The following CNKSR3 variants were observed in gnomAD, a reference collection of about 807,000 sequenced individuals.
The protein encoded by CNKSR3 is CNKSR family member 3, also known as connector enhancer of kinase suppressor of ras 3.
CNKSR3 carries 36 observed loss-of-function variants against 67.7 expected under a neutral mutation model. That is an observed-to-expected ratio of 0.53 (90% CI 0.41 to 0.70). The LOEUF is 0.70. Among genes scored for constraint, CNKSR3 ranks in the 30% least tolerant of loss-of-function variants. The pLI, the probability that CNKSR3 is intolerant of heterozygous loss-of-function variation, is 0.00. For synonymous variants in CNKSR3, 281 were observed against 271.4 expected, an observed-to-expected ratio of 1.04 and a Z score of -0.35; for missense variants, 630 against 695.2, an observed-to-expected ratio of 0.91 and a Z score of 1.05.
chr6:154,485,341 G>T (rs560363041), intron 1 of CNKSR3, among the ~76,000 whole-genome samples: 1 of 152,180 alleles, frequency 6.6e-6, no homozygotes, highest in South Asian at 2.1e-4. Context: ...GTTGGAAAGG[G>T]GCTTCTTTGG....
In CNKSR3 at chr6:154,428,182, C is replaced by A. The variant is rs758490671; in HGVS notation, c.675G>T (p.Met225Ile). The change falls in exon 7 of 13, where the codon ATG (methionine) becomes ATT (isoleucine). Residue 225 changes from methionine (M) to isoleucine (I), a missense_variant. Coordinates refer to ENST00000607772, the MANE Select transcript of CNKSR3 (RefSeq NM_173515.4). ...ACCCATCATAGGTTGATTTGATGTACATGCCCTGGAGTGAATCACAAATAG... is the reference window on the plus strand; with the variant it reads ...ACCCATCATAGGTTGATTTGATGTAAATGCCCTGGAGTGAATCACAAATAG... Reference protein sequence around the residue: ...PNIKPGEGLGMYIKSTYDGLH... With the variant: ...PNIKPGEGLGIYIKSTYDGLH... 3 of 1,606,800 alleles carry A rather than the reference C, an allele frequency of 1.9e-6. No homozygotes were observed. Among genetic ancestry groups the A allele is most frequent in the Middle Eastern group, 1.7e-4 (1 of 6,040 alleles).
At chr6:154,438,127 A>C (rs965935107) in intron 4 of CNKSR3, among the ~76,000 whole-genome samples, 4 of 152,168 alleles carry the variant, frequency 2.6e-5, no homozygotes, top group Non-Finnish European at 4.4e-5. Context: ...TCTTCATAAC[A>C]ATCTTTTGGA....
rs1178816040 is a variant in CNKSR3, at chr6:154,396,158, A to T, written c.*10196T>A. On this transcript the variant is annotated 3_prime_UTR_variant, in exon 13 of 13. Transcript: ENST00000607772. ...GAGCATTCTATGACCTTACCTCCCC[A>T]CCATTAACTTTTCCCTGGCTAATTT... 1 of 152,046 alleles carries T rather than the reference A, an allele frequency of 6.6e-6. No homozygotes were observed. Among genetic ancestry groups the T allele is most frequent in the African/African-American group, 2.4e-5 (1 of 41,366 alleles). The allele number at this position is 152,046 out of a possible 1,614,324, so 9.4% of individuals were successfully genotyped here.
At chr6:154,484,866 C>A (rs1175698494) in intron 1 of CNKSR3, among the ~76,000 whole-genome samples, 4 of 152,240 alleles carry the variant, frequency 2.6e-5, no homozygotes, top group Admixed American at 1.3e-4. Flanking sequence ...AGCACGGGAA[C>A]ACTGATGGCC....
chr6:154,495,908 C>T (rs1786867970), intron 1 of CNKSR3, among the ~76,000 whole-genome samples: 1 of 152,110 alleles, frequency 6.6e-6, no homozygotes. Context: ...CCTCCTCAAC[C>T]CTCCCCATTG....
chr6:154,449,148 C>T (rs528447813), intron 2 of CNKSR3, among the ~76,000 whole-genome samples: 242 of 152,254 alleles, frequency 1.6e-3, no homozygotes, highest in African/African-American at 5.4e-3. Flanking sequence ...AGCCAAAACC[C>T]ATCATCTACA....
chr6:154,436,257 C>T (rs970797968), intron 4 of CNKSR3, among the ~76,000 whole-genome samples: 9 of 152,184 alleles, frequency 5.9e-5, no homozygotes, highest in African/African-American at 9.7e-5. Context: ...CTGCAGCCTC[C>T]GCTTCCCAAG....
In CNKSR3 at chr6:154,406,550, C is replaced by T. The variant is rs960512386; in HGVS notation, c.1472G>A (p.Arg491Gln). The change falls in exon 13 of 13, where the codon CGG becomes CAG. Residue 491 changes from arginine (R) to glutamine (Q), a missense_variant. Arg to Gln is a conservative substitution (Grantham distance 43). Coordinates refer to ENST00000607772, the MANE Select transcript of CNKSR3 (RefSeq NM_173515.4). ...GTAGTCCGCACCCCGGACCAGATGCCGCTCGGTCGTGGGTCTGGAGAACCG... is the reference window on the plus strand; with the variant it reads ...GTAGTCCGCACCCCGGACCAGATGCTGCTCGGTCGTGGGTCTGGAGAACCG... ...PYRFSRPTTE[R>Q]HLVRGADYIR... 8 of 1,614,076 alleles carry T rather than the reference C, an allele frequency of 5.0e-6. No homozygotes were observed. Among genetic ancestry groups the T allele is most frequent in the African/African-American group, 1.3e-5 (1 of 74,916 alleles).
chr6:154,402,860 A>G lies in CNKSR3; in HGVS notation c.*3494T>C, dbSNP rs894030165. 1 of 152,216 alleles carries G rather than the reference A, an allele frequency of 6.6e-6. No individual in the cohort carries two copies. Among genetic ancestry groups the G allele is most frequent in the Non-Finnish European group, 1.5e-5 (1 of 68,044 alleles). 9.4% of individuals were successfully genotyped at this position (152,216 alleles called of 1,614,324 possible). On this transcript the variant is annotated 3_prime_UTR_variant, in exon 13 of 13. Transcript: ENST00000607772. ...CACATATTTATATTTATACACACAC[A>G]TACAAAGTATGTGCCCTGCTTAGTA...
At chr6:154,466,349 G>T (rs546449644) in intron 1 of CNKSR3, among the ~76,000 whole-genome samples, 1 of 152,178 alleles carries the variant, frequency 6.6e-6, no homozygotes, top group Non-Finnish European at 1.5e-5. Flanking sequence ...CTCATGTACG[G>T]ACTTGTGTTT....
At chr6:154,453,257 A>T (rs1298529954) in intron 1 of CNKSR3, among the ~76,000 whole-genome samples, 3 of 152,234 alleles carry the variant, frequency 2.0e-5, no homozygotes, top group Non-Finnish European at 4.4e-5. Flanking sequence ...TCTTTTAACG[A>T]ACCGAAAAAT....
Position 154,401,046 on chromosome 6 carries a change from G to A in CNKSR3, c.*5308C>T, listed in dbSNP as rs570031517. ...ATCATGCAAAATTTTCCACGTATTG[G>A]AAGAAACATCAGAAATCAGCTTTTG... On this transcript the variant is annotated 3_prime_UTR_variant, in exon 13 of 13. Transcript: ENST00000607772. 1.3e-5 allele frequency: 2 copies of A among 152,276 alleles called. No homozygotes were observed. Among genetic ancestry groups the A allele is most frequent in the South Asian group, 4.1e-4 (2 of 4,824 alleles). The allele number at this position is 152,276 out of a possible 1,614,324, so 9.4% of individuals were successfully genotyped here. A position where few individuals can be genotyped will look rare whatever the true frequency, so the allele number is the denominator to read the frequency against.
chr6:154,430,074 T>C (rs1360677915), intron 6 of CNKSR3, among the ~76,000 whole-genome samples: 1 of 152,224 alleles, frequency 6.6e-6, no homozygotes, highest in East Asian at 1.9e-4. Context: ...ATGAAACATT[T>C]CTAAACCCTT....
At chr6:154,450,302 T>C in intron 1 of CNKSR3, 44 bp from the exon 2 acceptor site, 1 of 1,597,352 alleles carries the variant, frequency 6.3e-7, no homozygotes, top group Non-Finnish European at 8.6e-7. Context: ...ATTTTGTTCC[T>C]TTACCCACCC....
chr6:154,475,445 A>G (rs1485976954), intron 1 of CNKSR3, among the ~76,000 whole-genome samples: 1 of 151,954 alleles, frequency 6.6e-6, no homozygotes, highest in South Asian at 2.1e-4. Flanking sequence ...GGAAATGGTC[A>G]CCTCCTCCAT....
chr6:154,431,531 G>A lies in CNKSR3; in HGVS notation c.550-940C>T, dbSNP rs908613012. ...AACTAACATCTATAATTTATATTAG[G>A]GTTCACTTTTTGTGGTGTACATTCT... is the stretch of plus-strand genomic sequence containing the variant. On this transcript the variant is annotated intron_variant, in intron 5 of 12. Transcript: ENST00000607772. 4.6e-5 allele frequency among the ~76,000 whole-genome samples: 7 copies of A among 151,724 alleles called. No individual in the cohort carries two copies. The East Asian group carries it at 1.4e-3, about 29-fold the overall frequency.
intron 4 of CNKSR3, among the ~76,000 whole-genome samples, chr6:154,437,224 C>T (rs1252164541): frequency 6.6e-6 from 1 of 152,082 alleles, no homozygotes; most frequent in Non-Finnish European, 1.5e-5. Context: ...AAAGAGTCAA[C>T]AGATCTTCTG....
chr6:154,399,131 T>C lies in CNKSR3; in HGVS notation c.*7223A>G, dbSNP rs1784690711. The C allele has an allele frequency of 6.6e-6, 1 of 151,916 alleles. No homozygotes were observed. The highest frequency in any genetic ancestry group is 2.4e-5 in the African/African-American group (1 of 41,352). The allele number at this position is 151,916 out of a possible 1,614,324, so 9.4% of individuals were successfully genotyped here. On this transcript the variant is annotated 3_prime_UTR_variant, in exon 13 of 13. Coordinates refer to ENST00000607772, the MANE Select transcript of CNKSR3 (RefSeq NM_173515.4). Reference sequence around the variant, plus strand: ...TCACAGACTTTTGTCATTTCTTGAGTTCTGAATCGGCTAAAACATCCGAGT... The same window carrying C: ...TCACAGACTTTTGTCATTTCTTGAGCTCTGAATCGGCTAAAACATCCGAGT...
chr6:154,434,301 T>C (rs1785427596), intron 4 of CNKSR3, among the ~76,000 whole-genome samples: 1 of 152,156 alleles, frequency 6.6e-6, no homozygotes, highest in African/African-American at 2.4e-5. Flanking sequence ...GATTTCAACC[T>C]ATACTGCAGA....
Sources: allele counts gnomAD v4.1 joint callset (sites outside exome capture counted in the v4.1 genomes callset), GRCh38; gene constraint gnomAD v4.1.1; transcripts MANE v1.5; gene names NCBI Gene and HGNC (gene_info 2026-07-23, HGNC 2026-07-21).